The following NBEA variants were observed in gnomAD, a reference collection of about 807,000 sequenced individuals.
NBEA encodes neurobeachin.
In NBEA, 44 loss-of-function variants were observed where a neutral mutation model predicts 343.4. That is an observed-to-expected ratio of 0.13 (90% CI 0.10 to 0.16). The LOEUF (loss-of-function observed/expected upper bound fraction) is 0.16. Ranked by LOEUF, NBEA falls within the 10% of genes least tolerant of loss-of-function variation. The pLI, the probability that NBEA is intolerant of heterozygous loss-of-function variation, is 1.00. For synonymous variants in NBEA, 1,175 were observed against 1,238.7 expected (o/e 0.95, Z 1.08); for missense variants, 2,555 against 3,631.3 (o/e 0.70, Z 7.62).
chr13:35,151,355 C>T (rs940175436), intron 18 of NBEA, among the ~76,000 whole-genome samples: 1 of 151,676 alleles, frequency 6.6e-6, no homozygotes, highest in African/African-American at 2.4e-5. Context: ...ACCAGCCTGA[C>T]CAACATGGAG....
chr13:35,470,680 C>A (rs1254634764), intron 40 of NBEA, among the ~76,000 whole-genome samples: 3 of 152,138 alleles, frequency 2.0e-5, no homozygotes, highest in African/African-American at 7.2e-5. Flanking sequence ...TCCAAGGGAG[C>A]GTCCTGGTTG....
At chr13:35,432,503 G>C in intron 39 of NBEA, 110 bp downstream of exon 39, 2 of 993,572 alleles carry the variant, frequency 2.0e-6, no homozygotes, top group Non-Finnish European at 2.7e-6. Flanking sequence ...TCCATGTCTT[G>C]AGTCAGAAAT....
intron 34 of NBEA, among the ~76,000 whole-genome samples, chr13:35,283,265 A>G (rs903893184): frequency 1.3e-5 from 2 of 152,154 alleles, no homozygotes; most frequent in African/African-American, 2.4e-5. Flanking sequence ...TATCAACACA[A>G]TGACAAAAAA....
chr13:35,476,295 CCCTGCTGCTGCTGCTGCTGCTGCT>C (rs1194229994), intron 41 of NBEA: 1 of 882,162 alleles, frequency 1.1e-6, no homozygotes, highest in Non-Finnish European at 1.7e-6. Context: ...GCGTTGGTTT[CCCTGCTGCTGCTGCTGCTGCTGCT>C]GCTGCTGCTG....
chr13:35,198,184 A>G (rs1006155280), intron 31 of NBEA, among the ~76,000 whole-genome samples: 5 of 151,950 alleles, frequency 3.3e-5, no homozygotes, highest in African/African-American at 9.7e-5. Context: ...CCTTTTTCAC[A>G]TATTTGGTTT....
Position 35,164,359 on chromosome 13 carries a change from T to G in NBEA, c.4083T>G (p.His1361Gln). ...ATTTCTGTTTTCTGTATTTTAGCCA[T>G]TCTACAAAGTCTGTAATGGATTTTG... Reference protein sequence around the residue: ...LETDVHVWRSHSTKSVMDFVN... With the variant: ...LETDVHVWRSQSTKSVMDFVN... Residue 1361 changes from histidine to glutamine, a missense_variant, in exon 24 of 59, where the codon CAT (histidine) becomes CAG (glutamine). Around this residue, in one of 21 missense-constraint regions of NBEA, gnomAD observed 69 missense variants for 128.8 expected, o/e 0.54. Coordinates refer to ENST00000379939, the MANE Select transcript of NBEA (RefSeq NM_001385012.1). 1 of 1,576,056 alleles carries G rather than the reference T, an allele frequency of 6.3e-7. No individual in the cohort carries two copies.
chr13:35,321,066 A>G (rs548351196), intron 36 of NBEA, among the ~76,000 whole-genome samples: 3 of 151,890 alleles, frequency 2.0e-5, no homozygotes, highest in Non-Finnish European at 2.9e-5. Context: ...GGAGTTTGTT[A>G]TTGCCCACCT....
chr13:35,456,375 A>C (rs1212130576), intron 40 of NBEA, among the ~76,000 whole-genome samples: 1 of 152,092 alleles, frequency 6.6e-6, no homozygotes, highest in Non-Finnish European at 1.5e-5. Context: ...ATAATATAGA[A>C]GTATGCCAAT....
intron 38 of NBEA, among the ~76,000 whole-genome samples, chr13:35,364,525 G>A (rs989976979): frequency 2.6e-5 from 4 of 151,800 alleles, no homozygotes; most frequent in Non-Finnish European, 4.4e-5. Flanking sequence ...AAGCATCAGT[G>A]TTTTAAAAGG....
chr13:35,103,119 A>G (rs936177390), intron 11 of NBEA, among the ~76,000 whole-genome samples: 4 of 151,760 alleles, frequency 2.6e-5, no homozygotes, highest in African/African-American at 7.2e-5. Context: ...AGTACTTGAG[A>G]TGATTAAGAT....
chr13:35,195,387 T>C (rs2072510154), intron 30 of NBEA, among the ~76,000 whole-genome samples: 1 of 151,802 alleles, frequency 6.6e-6, no homozygotes. Flanking sequence ...TATTGGATGA[T>C]ATCTTTTTGT....
rs2045886406 is a variant in NBEA, at chr13:35,444,334, G to A, written c.6305-7758G>A. On this transcript the variant is annotated intron_variant, in intron 39 of 58. Coordinates refer to ENST00000379939, the MANE Select transcript of NBEA (RefSeq NM_001385012.1). ...ACCATTTAGAGTTACTAAAAGCACT[G>A]GTCTGAAAAGGTATTTGTTGCTCAG... Among the ~76,000 whole-genome samples the A allele has an allele frequency of 2.0e-5, 3 of 151,912 alleles. No individual in the cohort carries two copies. In the South Asian group the frequency reaches 6.2e-4, roughly 32 times the overall value.
intron 41 of NBEA, among the ~76,000 whole-genome samples, chr13:35,509,781 C>T (rs972532886): frequency 2.0e-5 from 3 of 152,052 alleles, no homozygotes; most frequent in Admixed American, 6.6e-5. Flanking sequence ...GACTGACCGG[C>T]GAACAGTGCC....
chr13:35,623,949 G>A (rs956772259), intron 48 of NBEA, among the ~76,000 whole-genome samples: 1 of 151,750 alleles, frequency 6.6e-6, no homozygotes, highest in Non-Finnish European at 1.5e-5. Context: ...GTGAAGGGGA[G>A]GAAAAAGAAA....
At chr13:35,265,474 G>A (rs762177067) in intron 34 of NBEA, among the ~76,000 whole-genome samples, 5 of 151,774 alleles carry the variant, frequency 3.3e-5, no homozygotes, top group Non-Finnish European at 7.4e-5. Context: ...ATACTACAAA[G>A]CTATAGTAAC....
chr13:35,324,759 A>T (rs1007069790), intron 36 of NBEA, among the ~76,000 whole-genome samples: 1 of 152,146 alleles, frequency 6.6e-6, no homozygotes, highest in African/African-American at 2.4e-5. Context: ...AAGCTAAATG[A>T]TATAAAAATG....
intron 34 of NBEA, among the ~76,000 whole-genome samples, chr13:35,274,008 C>A (rs575079500): frequency 2.6e-5 from 4 of 152,286 alleles, no homozygotes; most frequent in Non-Finnish European, 5.9e-5. Context: ...CTCCTTAACT[C>A]ATTTTATGAA....
Position 35,182,392 on chromosome 13 carries a change from G to A in NBEA, c.4695G>A (p.Leu1565=), listed in dbSNP as rs367950149. 2.5e-6 allele frequency: 4 copies of A among 1,610,192 alleles called. No homozygotes were observed. The highest frequency in any genetic ancestry group is 2.2e-5 in the East Asian group (1 of 44,660). The change falls in exon 29 of 59, where the codon CTG becomes CTA. Residue 1565 remains leucine, a synonymous_variant. Coordinates refer to ENST00000379939, the MANE Select transcript of NBEA (RefSeq NM_001385012.1). ...GCAAACAAGCACAGTTCTTAGCTCT[G>A]GCTGTTGTTTACTTCATTTCGGTTC... is the stretch of plus-strand genomic sequence containing the variant. ...DDSKQAQFLA[L]AVVYFISVLM...
intron 1 of NBEA, among the ~76,000 whole-genome samples, chr13:34,989,960 T>C (rs901191642): frequency 6.6e-6 from 1 of 151,052 alleles, no homozygotes; most frequent in African/African-American, 2.4e-5. Flanking sequence ...AGAAAGGCAG[T>C]CATCAAATTT....
Sources: allele counts gnomAD v4.1 joint callset (sites outside exome capture counted in the v4.1 genomes callset), GRCh38; gene constraint gnomAD v4.1.1; regional missense constraint gnomAD v4.1.1; transcripts MANE v1.5; gene names NCBI Gene and HGNC (gene_info 2026-07-23, HGNC 2026-07-21).